The following PTGES3 variants were observed in gnomAD, a reference collection of about 807,000 sequenced individuals.
PTGES3 encodes the protein Hsp90 co-chaperone.
A neutral mutation model predicts 29.9 loss-of-function variants in PTGES3; 5 were observed. That is an observed-to-expected ratio of 0.17 (90% CI 0.09 to 0.35). PTGES3 has a LOEUF of 0.35. Ranked by LOEUF, PTGES3 falls within the 10% of genes least tolerant of loss-of-function variation. The pLI is 1.00. For synonymous variants in PTGES3, 49 were observed against 57.8 expected, an observed-to-expected ratio of 0.85 and a Z score of 0.69; for missense variants, 128 against 190.0, an observed-to-expected ratio of 0.67 and a Z score of 1.92.
chr12:56,676,261 TG>T (rs1372515867), intron 1 of PTGES3, among the ~76,000 whole-genome samples: 1 of 150,004 alleles, frequency 6.7e-6, no homozygotes, highest in African/African-American at 2.5e-5. Flanking sequence ...AAAATAGGAT[TG>T]GAACCCAGCA....
intron 4 of PTGES3, among the ~76,000 whole-genome samples, chr12:56,670,952 AAAAC>A (rs1951978200): frequency 6.6e-6 from 1 of 152,218 alleles, no homozygotes; most frequent in Non-Finnish European, 1.5e-5. Context: ...AAAAAACAAA[AAAAC>A]AAATTTCCTG....
At chr12:56,669,706 C>T (rs1425557892) in intron 5 of PTGES3, among the ~76,000 whole-genome samples, 1 of 152,248 alleles carries the variant, frequency 6.6e-6, no homozygotes, top group African/African-American at 2.4e-5. Context: ...CTGCCTCCAG[C>T]GTTCAAGCAA....
At chr12:56,683,318 T>C (rs1206487305) in intron 1 of PTGES3, among the ~76,000 whole-genome samples, 2 of 149,960 alleles carry the variant, frequency 1.3e-5, no homozygotes, top group Admixed American at 6.6e-5. Context: ...ACCCCATCTC[T>C]ACTAATTAGC....
At chr12:56,669,202 T>A (rs575166330) in intron 5 of PTGES3, among the ~76,000 whole-genome samples, 2 of 151,846 alleles carry the variant, frequency 1.3e-5, no homozygotes, top group African/African-American at 4.8e-5. Flanking sequence ...TTTAATTATT[T>A]ATTAATTTAG....
intron 1 of PTGES3, among the ~76,000 whole-genome samples, chr12:56,687,096 C>T (rs1354381097): frequency 1.3e-5 from 2 of 151,070 alleles, no homozygotes; most frequent in East Asian, 1.9e-4. Context: ...TTAAAATCGC[C>T]AAGGCTTTCC....
In PTGES3 at chr12:56,664,399, A is replaced by G; in HGVS notation, c.*80T>C. ...CAGCATATCTGCCTTTAGAGCTATC[A>G]ACTCAGGAATTCTCTCAATTATGAA... On this transcript the variant is annotated 3_prime_UTR_variant, in exon 8 of 8. Coordinates refer to ENST00000262033, the MANE Select transcript of PTGES3 (RefSeq NM_006601.7). 1.3e-6 allele frequency: 2 copies of G among 1,525,720 alleles called. No individual in the cohort carries two copies. Among genetic ancestry groups the G allele is most frequent in the East Asian group, 2.3e-5 (1 of 44,124 alleles). The allele number at this position is 1,525,720 out of a possible 1,614,324, so 94.5% of individuals were successfully genotyped here.
chr12:56,671,742 A>T lies in PTGES3; in HGVS notation c.285+7T>A, dbSNP rs376604504. ...CAAACTTTTCAAAAAAGGAAAATGA[A>T]ACCTACCTTTGCCCTTTCTTTTGTT... On this transcript the variant is annotated splice_region_variant and intron_variant, in intron 4 of 7. Transcript: ENST00000262033. 1 of 1,494,662 alleles carries T rather than the reference A, an allele frequency of 6.7e-7. No homozygotes were observed. Among genetic ancestry groups the T allele is most frequent in the Non-Finnish European group, 9.0e-7 (1 of 1,113,414 alleles). The allele number at this position is 1,494,662 out of a possible 1,614,324, so 92.6% of individuals were successfully genotyped here.
chr12:56,678,639 A>G (rs1487637578), intron 1 of PTGES3, among the ~76,000 whole-genome samples: 3 of 152,222 alleles, frequency 2.0e-5, no homozygotes, highest in East Asian at 1.9e-4. Flanking sequence ...AATTAGAGTT[A>G]TAACTCACCA....
chr12:56,687,498 T>C (rs1047721045), intron 1 of PTGES3: 3 of 996,298 alleles, frequency 3.0e-6, no homozygotes, highest in Non-Finnish European at 3.6e-6. Context: ...TAGCAGTACC[T>C]GCAGCTCACG....
intron 1 of PTGES3, 79 bp from the exon 2 acceptor site, chr12:56,673,144 T>C (rs895211389): frequency 4.5e-6 from 4 of 887,798 alleles, no homozygotes; most frequent in African/African-American, 3.4e-5. Flanking sequence ...GACACCATTA[T>C]AGCATTATTT....
chr12:56,677,312 T>C (rs1447237362), intron 1 of PTGES3, among the ~76,000 whole-genome samples: 1 of 152,058 alleles, frequency 6.6e-6, no homozygotes, highest in South Asian at 2.1e-4. Context: ...TTCACCTTTG[T>C]ATCTTAGAGT....
chr12:56,684,910 C>T (rs1952751743), intron 1 of PTGES3, among the ~76,000 whole-genome samples: 1 of 152,132 alleles, frequency 6.6e-6, no homozygotes, highest in African/African-American at 2.4e-5. Flanking sequence ...AGAAAACACA[C>T]TCCCAAGCCT....
chr12:56,676,586 T>A (rs919775389), intron 1 of PTGES3, among the ~76,000 whole-genome samples: 4 of 151,906 alleles, frequency 2.6e-5, no homozygotes, highest in South Asian at 2.1e-4. Context: ...GTAATTTTTT[T>A]AAAAAAAGAG....
chr12:56,672,648 A>G, intron 3 of PTGES3, 92 bp downstream of exon 3: 1 of 1,369,356 alleles, frequency 7.3e-7, no homozygotes. Flanking sequence ...ACTGTTAAGA[A>G]AAACAGAACT....
At chr12:56,683,392 G>C (rs1221604484) in intron 1 of PTGES3, among the ~76,000 whole-genome samples, 1 of 144,986 alleles carries the variant, frequency 6.9e-6, no homozygotes, top group Non-Finnish European at 1.5e-5. Context: ...AGAATTGCTT[G>C]AACACAGGAG....
At chr12:56,684,891 A>T (rs1489175256) in intron 1 of PTGES3, among the ~76,000 whole-genome samples, 1 of 152,182 alleles carries the variant, frequency 6.6e-6, no homozygotes, top group East Asian at 1.9e-4. Context: ...CAAATGAGTA[A>T]ATCAAATGAG....
intron 5 of PTGES3, among the ~76,000 whole-genome samples, chr12:56,666,777 C>A (rs1951806227): frequency 6.6e-6 from 1 of 152,078 alleles, no homozygotes; most frequent in African/African-American, 2.4e-5. Flanking sequence ...CAGGCGCGTA[C>A]CACCACACCC....
chr12:56,686,467 A>G (rs373726508), intron 1 of PTGES3, among the ~76,000 whole-genome samples: 1 of 152,114 alleles, frequency 6.6e-6, no homozygotes, highest in African/African-American at 2.4e-5. Flanking sequence ...TCCACCTCCC[A>G]GATTCAAGCG....
At position 56,683,473 on chromosome 12, in the gene PTGES3, C is replaced by CAAAAAAAAAAAAAAAAAAAAAAA. The variant is rs71081388; in HGVS notation, c.2+4502_2+4524dup. ...GGGCAACAAGAGAGAAACTCTGTCT[C>CAAAAAAAAAAAAAAAAAAAAAAA]AAAAAAAAAAAAAAAAAAAAAAAAA... On this transcript the variant is annotated intron_variant, in intron 1 of 7. Transcript: ENST00000262033. Among the ~76,000 whole-genome samples the CAAAAAAAAAAAAAAAAAAAAAAA allele has an allele frequency of 3.0e-4, 9 of 29,760 alleles. 2 individuals carry two copies. The highest frequency in any genetic ancestry group is 2.4e-3 in the South Asian group (1 of 424). The allele number at this position is 29,760 out of a possible 152,430, so 19.5% of individuals were successfully genotyped here.
Sources: gnomAD v4.1 joint callset for allele counts (sites outside exome capture counted in the v4.1 genomes callset) on GRCh38, gnomAD v4.1.1 for gene constraint, MANE v1.5 for transcripts, NCBI Gene and HGNC (gene_info 2026-07-23, HGNC 2026-07-21) for gene names.